Variants in SH3PXD2A observed in about 807,000 individuals in gnomAD.
SH3PXD2A encodes the protein SH3 and PX domains 2A, also known as SH3 and PX domain-containing protein 2A.
In SH3PXD2A, 32 loss-of-function variants were observed where a neutral mutation model predicts 115.2. That is an observed-to-expected ratio of 0.28 (90% CI 0.21 to 0.37). The LOEUF is 0.37. Among genes scored for constraint, SH3PXD2A ranks in the 10% least tolerant of loss-of-function variants. The pLI, the probability that SH3PXD2A is intolerant of heterozygous loss-of-function variation, is 1.00. For missense variants in SH3PXD2A, 1,328 were observed against 1,498.7 expected, an observed-to-expected ratio of 0.89 and a Z score of 1.88; for synonymous variants, 610 against 629.1, an observed-to-expected ratio of 0.97 and a Z score of 0.45.
intron 14 of SH3PXD2A, among the ~76,000 whole-genome samples, chr10:103,605,064 T>C (rs532152341): frequency 2.6e-5 from 4 of 152,304 alleles, no homozygotes; most frequent in African/African-American, 7.2e-5. Context: ...GGGAATACCA[T>C]GCTCAGCCCC....
In SH3PXD2A at chr10:103,613,127, T is replaced by C; in HGVS notation, c.984A>G (p.Pro328=). 1 of 1,613,850 alleles carries C rather than the reference T, an allele frequency of 6.2e-7. No individual in the cohort carries two copies. Among genetic ancestry groups the C allele is most frequent in the Non-Finnish European group, 8.5e-7 (1 of 1,179,902 alleles). ...GGCCGGCCAGGTTCTTCTTCCGGGT[T>C]GGCAGGTCATCCTTGGCCTTCTTCA... ...SYLKKAKDDL[P]TRKKNLAGPV... The change falls in exon 12 of 15, where the codon CCA becomes CCG. Residue 328 remains proline, a synonymous_variant. Transcript: ENST00000369774.
At chr10:103,676,495 G>A (rs1244732113) in intron 6 of SH3PXD2A, among the ~76,000 whole-genome samples, 1 of 152,144 alleles carries the variant, frequency 6.6e-6, no homozygotes, top group African/African-American at 2.4e-5. Flanking sequence ...GGACGGAGAA[G>A]CCAAGGATGC....
chr10:103,766,660 GCCT>G (rs1224782486), intron 3 of SH3PXD2A, among the ~76,000 whole-genome samples: 3 of 152,194 alleles, frequency 2.0e-5, no homozygotes, highest in African/African-American at 7.2e-5. Flanking sequence ...AATGGTGTAA[GCCT>G]CCTCTTCCAT....
rs1256466858 is a variant in SH3PXD2A, at chr10:103,666,062, A to T, written c.472+2546T>A. 6.6e-6 allele frequency among the ~76,000 whole-genome samples: 1 copy of T among 152,010 alleles called. No individual in the cohort carries two copies. The highest frequency in any genetic ancestry group is 2.4e-5 in the African/African-American group (1 of 41,364). Reference sequence around the variant, plus strand: ...GGATGGAACCCTGGCTGCCAACTTAAACTTCTCAACTGGGCTTTTGCCAAG... The same window carrying T: ...GGATGGAACCCTGGCTGCCAACTTATACTTCTCAACTGGGCTTTTGCCAAG... On this transcript the variant is annotated intron_variant, in intron 7 of 14. Transcript: ENST00000369774. This position sits in a 1 kb window ranked among gnomAD's most constrained non-coding sequence, Gnocchi z 4.5.
intron 8 of SH3PXD2A, among the ~76,000 whole-genome samples, chr10:103,641,830 G>A (rs1296341337): frequency 1.3e-5 from 2 of 152,160 alleles, no homozygotes; most frequent in East Asian, 1.9e-4. Flanking sequence ...CTGAAAGAGC[G>A]TTCTGGCACG....
In SH3PXD2A at chr10:103,855,572, G is replaced by A. The variant is rs1330536375; in HGVS notation, c.-306C>T. The A allele has an allele frequency of 1.3e-5, 2 of 151,110 alleles. No homozygotes were observed. The highest frequency in any genetic ancestry group is 2.0e-4 in the East Asian group (1 of 5,062). The allele number at this position is 151,110 out of a possible 1,614,324, so 9.4% of individuals were successfully genotyped here. ...CTCCGCCGCCCGGTGGGTCCGGCGG[G>A]AACTGGCGGAGCAGAGGAGGGGCGG... is the stretch of plus-strand genomic sequence containing the variant. On this transcript the variant is annotated 5_prime_UTR_variant, in exon 1 of 15. Coordinates refer to ENST00000369774, the MANE Select transcript of SH3PXD2A (RefSeq NM_001394015.1).
chr10:103,687,182 T>C (rs1018685360), intron 6 of SH3PXD2A, among the ~76,000 whole-genome samples: 2 of 152,180 alleles, frequency 1.3e-5, no homozygotes, highest in Non-Finnish European at 2.9e-5. Context: ...CCTGAAGACA[T>C]TTCATCTGCG....
At chr10:103,809,540 G>A (rs988768423) in intron 1 of SH3PXD2A, among the ~76,000 whole-genome samples, 1 of 152,164 alleles carries the variant, frequency 6.6e-6, no homozygotes, top group South Asian at 2.1e-4. Context: ...TCAGAGGAGG[G>A]GACAATGGCA....
intron 13 of SH3PXD2A, among the ~76,000 whole-genome samples, chr10:103,607,653 C>T (rs1341589392): frequency 6.6e-6 from 1 of 152,168 alleles, no homozygotes; most frequent in Non-Finnish European, 1.5e-5. Flanking sequence ...GGGAGGTGTA[C>T]CCAACAGCTC....
At chr10:103,727,355 T>C (rs2038253307) in intron 4 of SH3PXD2A, among the ~76,000 whole-genome samples, 1 of 151,848 alleles carries the variant, frequency 6.6e-6, no homozygotes, top group African/African-American at 2.4e-5. Context: ...AATGAAAAAC[T>C]GAGGAAAGAG....
At chr10:103,782,315 C>T (rs2038938217) in intron 2 of SH3PXD2A, among the ~76,000 whole-genome samples, 1 of 152,222 alleles carries the variant, frequency 6.6e-6, no homozygotes, top group African/African-American at 2.4e-5. Flanking sequence ...CTAAGTAGTT[C>T]ATGTGCACAT....
At chr10:103,725,826 C>T (rs1452952446) in intron 4 of SH3PXD2A, among the ~76,000 whole-genome samples, 1 of 150,852 alleles carries the variant, frequency 6.6e-6, no homozygotes, top group Non-Finnish European at 1.5e-5. Context: ...AAGACTCTGT[C>T]TCAAAAAAAT....
chr10:103,621,671 A>C (rs1181083599), intron 10 of SH3PXD2A, among the ~76,000 whole-genome samples: 2 of 152,144 alleles, frequency 1.3e-5, no homozygotes, highest in East Asian at 1.9e-4. Context: ...GGCCCAGGGG[A>C]CTGCAGATGT....
intron 8 of SH3PXD2A, 137 bp downstream of exon 8, chr10:103,660,846 A>T (rs749450030): frequency 8.4e-6 from 8 of 956,726 alleles, no homozygotes; most frequent in Non-Finnish European, 1.3e-5. Flanking sequence ...GGGAAACTTC[A>T]GCCGCCTCGG....
intron 13 of SH3PXD2A, among the ~76,000 whole-genome samples, chr10:103,611,027 C>G (rs1230148587): frequency 6.6e-6 from 1 of 152,214 alleles, no homozygotes; most frequent in Non-Finnish European, 1.5e-5. Context: ...TCTACCTGCC[C>G]GAGGGTCTGG....
intron 1 of SH3PXD2A, among the ~76,000 whole-genome samples, chr10:103,812,546 C>T (rs1018737748): frequency 6.6e-6 from 1 of 152,134 alleles, no homozygotes; most frequent in Non-Finnish European, 1.5e-5. Context: ...CAATGACTGA[C>T]CCAGGCCTAC....
At chr10:103,783,108 C>T (rs1464072321) in intron 2 of SH3PXD2A, among the ~76,000 whole-genome samples, 1 of 152,052 alleles carries the variant, frequency 6.6e-6, no homozygotes, top group Non-Finnish European at 1.5e-5. Flanking sequence ...AGCGAGCGAG[C>T]TGGGGTGCTG....
chr10:103,735,014 A>G (rs1408151193), intron 4 of SH3PXD2A, among the ~76,000 whole-genome samples: 1 of 152,204 alleles, frequency 6.6e-6, no homozygotes, highest in African/African-American at 2.4e-5. Context: ...TAACTTGCCC[A>G]AGTTCATGAA....
At chr10:103,832,494 G>C (rs1481113282) in intron 1 of SH3PXD2A, among the ~76,000 whole-genome samples, 1 of 151,994 alleles carries the variant, frequency 6.6e-6, no homozygotes, top group Non-Finnish European at 1.5e-5. Context: ...CAAAGACTTG[G>C]AACCAACCCA....
Sources: gnomAD v4.1 joint callset for allele counts (sites outside exome capture counted in the v4.1 genomes callset) on GRCh38, gnomAD v4.1.1 for gene constraint, Gnocchi (gnomAD v3.1) non-coding constraint, MANE v1.5 for transcripts, NCBI Gene and HGNC (gene_info 2026-07-23, HGNC 2026-07-21) for gene names.